Variants in WDR43 observed in about 807,000 individuals in gnomAD.
WDR43 encodes WD repeat-containing protein 43.
Under a neutral mutation model 91.4 loss-of-function variants are expected in WDR43, and 13 were observed. The ratio of observed to expected loss-of-function variants is 0.14; its 90% CI spans 0.09 to 0.23. The LOEUF (loss-of-function observed/expected upper bound fraction) is 0.23. WDR43 is among the 10% of genes least tolerant of loss of function. WDR43 has a pLI of 1.00. For synonymous variants in WDR43, 331 were observed against 287.9 expected (o/e 1.15, Z -1.51); for missense variants, 780 against 809.4 (o/e 0.96, Z 0.44).
intron 6 of WDR43, among the ~76,000 whole-genome samples, chr2:28,922,115 G>T (rs1303729099): frequency 6.6e-6 from 1 of 152,088 alleles, no homozygotes; most frequent in Non-Finnish European, 1.5e-5. Flanking sequence ...CACCAGTAAA[G>T]AATTTTAAAC....
At chr2:28,921,131 A>ATT (rs35903168) in intron 6 of WDR43, among the ~76,000 whole-genome samples, 6 of 147,762 alleles carry the variant, frequency 4.1e-5, no homozygotes, top group African/African-American at 7.4e-5. Flanking sequence ...TTTAAAAAAA[A>ATT]TTTTTTTTTT....
intron 6 of WDR43, among the ~76,000 whole-genome samples, chr2:28,919,277 A>G (rs938404097): frequency 1.3e-5 from 2 of 151,790 alleles, no homozygotes; most frequent in Middle Eastern, 3.2e-3. Flanking sequence ...AAATAAATAC[A>G]TATAGCTTCT....
intron 16 of WDR43, among the ~76,000 whole-genome samples, chr2:28,942,603 A>AT (rs10716859): frequency 6.8e-5 from 10 of 146,464 alleles, no homozygotes; most frequent in African/African-American, 1.3e-4. Context: ...GTTATGGAAG[A>AT]TTTTTTTTTT....
At chr2:28,904,558 A>G (rs1278739233) in intron 2 of WDR43, among the ~76,000 whole-genome samples, 1 of 152,234 alleles carries the variant, frequency 6.6e-6, no homozygotes, top group Non-Finnish European at 1.5e-5. Flanking sequence ...ACACATTGCT[A>G]CAGGAACAGA....
chr2:28,927,612 C>T lies in WDR43; in HGVS notation c.1217C>T (p.Pro406Leu). The stretch of plus-strand genomic sequence containing the variant: ...AATTCTGAAGCAAAAGTTCTGGTGC[C>T]TGGGATTCCTGGTCATCATGCAGCT... ...VMNSEAKVLV[P>L]GIPGHHAAIK... The change falls in exon 10 of 18, where the codon CCT (proline) becomes CTT (leucine). Residue 406 changes from proline (P) to leucine (L), a missense_variant. By Grantham distance (98) the Pro-to-Leu change is moderately conservative. Coordinates refer to ENST00000407426, the MANE Select transcript of WDR43 (RefSeq NM_015131.3). 3 of 1,613,834 alleles carry T rather than the reference C, an allele frequency of 1.9e-6. No individual in the cohort carries two copies. Among genetic ancestry groups the T allele is most frequent in the Non-Finnish European group, 2.5e-6 (3 of 1,179,840 alleles).
chr2:28,927,444 T>C, intron 9 of WDR43, 125 bp from the exon 10 acceptor site: 1 of 1,112,784 alleles, frequency 9.0e-7, no homozygotes, highest in Non-Finnish European at 1.3e-6. Context: ...CTTAAATTGA[T>C]ATCAAGTTAA....
Position 28,894,934 on chromosome 2 carries a change from C to T in WDR43, c.225+11C>T. ...CGGCTGCAGGCCAAGGTAAAGCGAG[C>T]GGGACTGCGCGGGGCGGGCGCCTTC... On this transcript the variant is annotated intron_variant, in intron 1 of 17. Transcript: ENST00000407426. The T allele has an allele frequency of 1.3e-6, 2 of 1,539,942 alleles. No homozygotes were observed. The highest frequency in any genetic ancestry group is 1.2e-5 in the South Asian group (1 of 83,924).
rs749474995 is a variant in WDR43, at chr2:28,929,655, G to A, written c.1382G>A (p.Ser461Asn). 4.3e-6 allele frequency: 7 copies of A among 1,613,686 alleles called. No homozygotes were observed. In the East Asian group the frequency reaches 1.3e-4, roughly 31 times the overall value. ...KKGKEDLQTN[S>N]FPVLLTQGLE... ...GGAAAGGAAGACCTCCAGACGAATA[G>A]CTTTCCAGTTCTTCTTACCCAGGGC... The change falls in exon 11 of 18, where the codon AGC becomes AAC. Residue 461 changes from serine to asparagine, a missense_variant. Ser to Asn is a conservative substitution (Grantham distance 46). Coordinates refer to ENST00000407426, the MANE Select transcript of WDR43 (RefSeq NM_015131.3).
intron 5 of WDR43, 100 bp downstream of exon 5, chr2:28,914,308 C>G: frequency 7.4e-7 from 1 of 1,342,944 alleles, no homozygotes. Flanking sequence ...TTTGTTGTAT[C>G]TAATGTTGGA....
intron 3 of WDR43, among the ~76,000 whole-genome samples, chr2:28,911,830 C>T (rs573071562): frequency 5.4e-4 from 82 of 151,188 alleles, no homozygotes; most frequent in African/African-American, 2.0e-3. Flanking sequence ...CGCTGTATTG[C>T]CCAGACTGGT....
At chr2:28,932,534 A>G (rs1016419086) in intron 11 of WDR43, among the ~76,000 whole-genome samples, 1 of 152,198 alleles carries the variant, frequency 6.6e-6, no homozygotes, top group Non-Finnish European at 1.5e-5. Context: ...TTATGCATTT[A>G]TATATTCTGT....
chr2:28,940,911 T>A (rs1468404805), intron 14 of WDR43, among the ~76,000 whole-genome samples: 1 of 152,234 alleles, frequency 6.6e-6, no homozygotes, highest in Non-Finnish European at 1.5e-5. Context: ...GAGAATGTCC[T>A]ACTTTCATTT....
chr2:28,943,352 T>C (rs1324724293), intron 16 of WDR43, among the ~76,000 whole-genome samples: 1 of 152,152 alleles, frequency 6.6e-6, no homozygotes, highest in Non-Finnish European at 1.5e-5. Flanking sequence ...AAGCTGATCT[T>C]GTACACCGTG....
intron 2 of WDR43, among the ~76,000 whole-genome samples, chr2:28,902,573 G>C (rs1321462610): frequency 2.6e-5 from 4 of 152,252 alleles, no homozygotes; most frequent in Non-Finnish European, 5.9e-5. Flanking sequence ...CCAGCTGCCT[G>C]GTGCTAGTGT....
intron 11 of WDR43, among the ~76,000 whole-genome samples, chr2:28,933,752 CAG>C (rs1671290944): frequency 6.6e-6 from 1 of 152,182 alleles, no homozygotes; most frequent in Admixed American, 6.5e-5. Context: ...TTAATTATCA[CAG>C]AAAGGCAAAT....
chr2:28,911,647 T>C (rs4666128), intron 3 of WDR43, among the ~76,000 whole-genome samples: 38,783 of 151,152 alleles, frequency 0.26, 6,160 homozygotes, highest in East Asian at 0.77. Context: ...CCTTTTTTTT[T>C]TGGAGACAGA....
chr2:28,911,201 C>A (rs868498197), intron 3 of WDR43, among the ~76,000 whole-genome samples: 11 of 151,966 alleles, frequency 7.2e-5, no homozygotes, highest in African/African-American at 1.9e-4. Flanking sequence ...GCATGTGTGG[C>A]ATAATGTAGG....
intron 12 of WDR43, 29 bp from the exon 13 acceptor site, chr2:28,936,893 G>GT (rs1454255260): frequency 1.9e-6 from 3 of 1,560,568 alleles, no homozygotes; most frequent in Non-Finnish European, 2.6e-6. Flanking sequence ...CTGAAGTGCT[G>GT]TTGTTAATAG....
At chr2:28,905,665 CTTTTTTTT>C (rs942200958) in intron 2 of WDR43, among the ~76,000 whole-genome samples, 3 of 80,126 alleles carry the variant, frequency 3.7e-5, no homozygotes, top group African/African-American at 1.2e-4. Context: ...CTCTTCTTCT[CTTTTTTTT>C]TTTTTTTTTG....
Sources: allele counts gnomAD v4.1 joint callset (sites outside exome capture counted in the v4.1 genomes callset), GRCh38; gene constraint gnomAD v4.1.1; transcripts MANE v1.5; gene names NCBI Gene and HGNC (gene_info 2026-07-23, HGNC 2026-07-21).